The following CALCR variants were observed in gnomAD, a reference collection of about 807,000 sequenced individuals.
The protein encoded by CALCR is calcitonin receptor.
A neutral mutation model predicts 59.5 loss-of-function variants in CALCR; 47 were observed. The ratio of observed to expected loss-of-function variants is 0.79; its 90% CI spans 0.63 to 1.01. CALCR has a LOEUF of 1.01. Ranked by LOEUF, CALCR falls within the 50% of genes least tolerant of loss-of-function variation. The probability of loss-of-function intolerance (pLI) is 0.00; values close to 1 mark genes in which losing one functional copy is unlikely to be tolerated. For missense variants in CALCR, 566 were observed against 597.1 expected, an observed-to-expected ratio of 0.95 and a Z score of 0.54; for synonymous variants, 213 against 211.3, an observed-to-expected ratio of 1.01 and a Z score of -0.07.
At chr7:93,519,494 G>A (rs1432652968) in intron 2 of CALCR, among the ~76,000 whole-genome samples, 1 of 151,946 alleles carries the variant, frequency 6.6e-6, no homozygotes, top group African/African-American at 2.4e-5. Context: ...TAGGGAAGTT[G>A]GGGAATTAGA....
intron 2 of CALCR, among the ~76,000 whole-genome samples, chr7:93,572,075 T>G (rs572548506): frequency 6.6e-6 from 1 of 152,324 alleles, no homozygotes; most frequent in African/African-American, 2.4e-5. Context: ...CAGATCAATT[T>G]CAAACTCAAT....
chr7:93,468,392 T>C (rs1226210234), intron 7 of CALCR, among the ~76,000 whole-genome samples: 1 of 151,740 alleles, frequency 6.6e-6, no homozygotes, highest in Admixed American at 6.6e-5. Context: ...TCCACCACCC[T>C]TAATGGTAAC....
chr7:93,468,602 T>C, intron 7 of CALCR, 113 bp downstream of exon 7: 1 of 625,956 alleles, frequency 1.6e-6, no homozygotes, highest in Non-Finnish European at 2.8e-6. Flanking sequence ...TAATGTTGCA[T>C]GTCGCTTGTA....
At chr7:93,472,129 A>G (rs1337866336) in intron 6 of CALCR, among the ~76,000 whole-genome samples, 2 of 151,794 alleles carry the variant, frequency 1.3e-5, no homozygotes, top group Non-Finnish European at 2.9e-5. Context: ...CCCCTGCCAT[A>G]AATGGACTGA....
chr7:93,548,947 A>AT (rs906883014), intron 2 of CALCR, among the ~76,000 whole-genome samples: 4 of 149,964 alleles, frequency 2.7e-5, no homozygotes, highest in Admixed American at 1.3e-4. Flanking sequence ...TTTTTATACC[A>AT]TTTTTTCCCC....
At position 93,497,788 on chromosome 7, in the gene CALCR, T is replaced by C. The variant is rs78923362; in HGVS notation, c.-26-10781A>G. 6.6e-5 allele frequency among the ~76,000 whole-genome samples: 10 copies of C among 151,774 alleles called. No individual in the cohort carries two copies. In the East Asian group the frequency reaches 1.9e-3, roughly 29 times the overall value. ...AATCACTCTTGATCTCTATTATATC[T>C]ATTTATCAACTCATATGTTATTTTC... is the stretch of plus-strand genomic sequence containing the variant. On this transcript the variant is annotated intron_variant, in intron 2 of 13. Transcript: ENST00000426151.
chr7:93,442,113 T>A (rs757033), intron 9 of CALCR, among the ~76,000 whole-genome samples: 2 of 151,896 alleles, frequency 1.3e-5, no homozygotes, highest in East Asian at 3.9e-4. Flanking sequence ...AAAACAGATA[T>A]GCAAGGAAAA....
In CALCR at chr7:93,468,810, G is replaced by A. The variant is rs888517873; in HGVS notation, c.430-4C>T. 1.0e-5 allele frequency: 16 copies of A among 1,555,584 alleles called. No homozygotes were observed. Among genetic ancestry groups the A allele is most frequent in the Non-Finnish European group, 1.3e-5 (15 of 1,143,716 alleles). ...AATAGTACAGAACATATGCATTCTG[G>A]AACAACAAAAAGTAAACAAACAAAC... On this transcript the variant is annotated splice_region_variant and splice_polypyrimidine_tract_variant and intron_variant, in intron 6 of 13. Coordinates refer to ENST00000426151, the MANE Select transcript of CALCR (RefSeq NM_001742.4).
At chr7:93,475,513 AATTTAT>A (rs1800648338) in intron 5 of CALCR, among the ~76,000 whole-genome samples, 1 of 151,100 alleles carries the variant, frequency 6.6e-6, no homozygotes, top group South Asian at 2.1e-4. Context: ...AAGTGGCCAC[AATTTAT>A]ATTTATTAGA....
At chr7:93,483,907 A>G (rs1474649338) in intron 3 of CALCR, 1 of 453,124 alleles carries the variant, frequency 2.2e-6, no homozygotes, top group Non-Finnish European at 4.8e-6. Flanking sequence ...CAACATACAA[A>G]CAAACAAAAC....
rs1353523367 is a variant in CALCR, at chr7:93,472,473, A to G, written c.331T>C (p.Tyr111His). ...AACCAAACACCTTTTTCATCACAGT[A>G]TTTTGTAACCTTTTCTGTTAATGAA... ...DFDPSEKVTK[Y>H]CDEKGVWFKH... Residue 111 changes from tyrosine to histidine, a missense_variant, in exon 6 of 14, where the codon TAC becomes CAC. Coordinates refer to ENST00000426151, the MANE Select transcript of CALCR (RefSeq NM_001742.4). The G allele has an allele frequency of 4.4e-6, 7 of 1,598,240 alleles. No individual in the cohort carries two copies. Among genetic ancestry groups the G allele is most frequent in the African/African-American group, 2.7e-5 (2 of 74,420 alleles).
At chr7:93,532,833 CAAAGCAAA>C (rs537083012) in intron 2 of CALCR, among the ~76,000 whole-genome samples, 1 of 33,406 alleles carries the variant, frequency 3.0e-5, no homozygotes, top group African/African-American at 2.2e-4. Flanking sequence ...TCCTCATGTC[CAAAGCAAA>C]AAAAAAAAAA....
chr7:93,572,983 C>T (rs1468974628), intron 2 of CALCR, among the ~76,000 whole-genome samples: 1 of 152,006 alleles, frequency 6.6e-6, no homozygotes, highest in Non-Finnish European at 1.5e-5. Context: ...AGAACAAATC[C>T]TGGCTGATGG....
chr7:93,544,386 C>G (rs1021608097), intron 2 of CALCR, among the ~76,000 whole-genome samples: 1 of 152,060 alleles, frequency 6.6e-6, no homozygotes, highest in African/African-American at 2.4e-5. Flanking sequence ...CATCTCTCAT[C>G]ATTAGTAAAT....
intron 3 of CALCR, among the ~76,000 whole-genome samples, chr7:93,482,231 A>C (rs1259773178): frequency 2.0e-5 from 3 of 151,898 alleles, no homozygotes; most frequent in Admixed American, 2.0e-4. Context: ...ATTCAATTAC[A>C]TATTAGGCAA....
At chr7:93,461,169 G>A (rs368592030) in intron 7 of CALCR, among the ~76,000 whole-genome samples, 24 of 152,244 alleles carry the variant, frequency 1.6e-4, no homozygotes, top group African/African-American at 5.3e-4. Flanking sequence ...TCAGTCCTCA[G>A]GGTGACTTCA....
chr7:93,506,225 G>C (rs535379363), intron 2 of CALCR, among the ~76,000 whole-genome samples: 25 of 152,298 alleles, frequency 1.6e-4, no homozygotes, highest in African/African-American at 4.6e-4. Flanking sequence ...CGCTTCACTA[G>C]GTTTCTGGCT....
chr7:93,493,694 A>G (rs1801135286), intron 2 of CALCR, among the ~76,000 whole-genome samples: 1 of 151,418 alleles, frequency 6.6e-6, no homozygotes, highest in African/African-American at 2.4e-5. Context: ...GGACCCCCTT[A>G]AAGTAACAAG....
intron 2 of CALCR, among the ~76,000 whole-genome samples, chr7:93,549,244 T>A (rs1789384884): frequency 6.6e-6 from 1 of 152,138 alleles, no homozygotes; most frequent in Non-Finnish European, 1.5e-5. Context: ...GATGGAATCT[T>A]AAAATCTGAA....
Sources: allele counts gnomAD v4.1 joint callset (sites outside exome capture counted in the v4.1 genomes callset), GRCh38; gene constraint gnomAD v4.1.1; transcripts MANE v1.5; gene names NCBI Gene and HGNC (gene_info 2026-07-23, HGNC 2026-07-21).